The following SORCS2 variants were observed in gnomAD, a reference collection of about 807,000 sequenced individuals.
SORCS2 encodes the protein sortilin related VPS10 domain containing receptor 2, also known as VPS10 domain-containing receptor SorCS2.
Under a neutral mutation model 141.6 loss-of-function variants are expected in SORCS2, and 100 were observed. That is an observed-to-expected ratio of 0.71 (90% CI 0.60 to 0.83). SORCS2 has a LOEUF of 0.83. SORCS2 is among the 40% of genes least tolerant of loss of function. The probability of loss-of-function intolerance (pLI) is 0.00; values close to 1 mark genes in which losing one functional copy is unlikely to be tolerated. For missense variants in SORCS2, 1,646 were observed against 1,560.2 expected (o/e 1.05, Z -0.93); for synonymous variants, 789 against 676.9 (o/e 1.17, Z -2.57).
chr4:7,207,032 C>T (rs2108874004), intron 1 of SORCS2, among the ~76,000 whole-genome samples: 1 of 152,250 alleles, frequency 6.6e-6, no homozygotes, highest in Non-Finnish European at 1.5e-5. Context: ...TATCTACAAA[C>T]CAGCCCCGCA....
intron 1 of SORCS2, among the ~76,000 whole-genome samples, chr4:7,254,069 T>A (rs1213039080): frequency 6.6e-6 from 1 of 152,198 alleles, no homozygotes; most frequent in Admixed American, 6.5e-5. Flanking sequence ...TTAGGCACCG[T>A]TGGTGGGAAT....
intron 1 of SORCS2, among the ~76,000 whole-genome samples, chr4:7,342,001 C>T (rs1266533497): frequency 1.3e-5 from 2 of 152,218 alleles, no homozygotes; most frequent in African/African-American, 4.8e-5. Flanking sequence ...TTTTCAAGGT[C>T]CAGTCACGTC....
At chr4:7,538,556 T>C (rs1043260788) in intron 3 of SORCS2, among the ~76,000 whole-genome samples, 1 of 151,166 alleles carries the variant, frequency 6.6e-6, no homozygotes, top group African/African-American at 2.4e-5. Flanking sequence ...TCTTACTCCA[T>C]TATATATCAG....
intron 1 of SORCS2, among the ~76,000 whole-genome samples, chr4:7,354,097 A>T (rs1001899479): frequency 3.3e-5 from 5 of 152,128 alleles, no homozygotes; most frequent in Non-Finnish European, 5.9e-5. Context: ...GCATGAGTTG[A>T]GATCTCTTTC....
intron 1 of SORCS2, among the ~76,000 whole-genome samples, chr4:7,198,149 G>T (rs1285836366): frequency 2.6e-5 from 4 of 152,198 alleles, no homozygotes; most frequent in Non-Finnish European, 5.9e-5. Flanking sequence ...TGTGGAGGGG[G>T]CTGAGGGAGA....
chr4:7,256,519 T>G (rs947540217), intron 1 of SORCS2, among the ~76,000 whole-genome samples: 5 of 152,154 alleles, frequency 3.3e-5, no homozygotes, highest in African/African-American at 1.2e-4. Flanking sequence ...ATTCATTCAC[T>G]CATTCATTTA....
intron 2 of SORCS2, among the ~76,000 whole-genome samples, chr4:7,519,310 T>C (rs1733179368): frequency 6.6e-6 from 1 of 152,220 alleles, no homozygotes; most frequent in African/African-American, 2.4e-5. Flanking sequence ...CCTTGTGCCA[T>C]TTTAAGACCT....
chr4:7,740,112 C>G, intron 26 of SORCS2, 88 bp from the exon 27 acceptor site: 1 of 1,192,368 alleles, frequency 8.4e-7, no homozygotes, highest in Non-Finnish European at 1.2e-6. Context: ...GCTCGAGGCA[C>G]TGCCTGAGGC....
At chr4:7,381,904 G>A (rs1433763933) in intron 1 of SORCS2, 1 of 986,322 alleles carries the variant, frequency 1.0e-6, no homozygotes, top group Non-Finnish European at 1.2e-6. Flanking sequence ...CAGCAGAGCA[G>A]GCAGACAGCA....
intron 2 of SORCS2, among the ~76,000 whole-genome samples, chr4:7,454,598 T>G (rs1728741057): frequency 9.4e-6 from 1 of 106,390 alleles, no homozygotes; most frequent in Admixed American, 1.0e-4. Flanking sequence ...GGTGCTGTGT[T>G]GGGGTCAGGC....
intron 1 of SORCS2, among the ~76,000 whole-genome samples, chr4:7,237,978 G>T (rs551580696): frequency 6.6e-6 from 1 of 152,222 alleles, no homozygotes; most frequent in African/African-American, 2.4e-5. Context: ...GAGTTCTTGG[G>T]ATACCAGTGG....
At chr4:7,441,737 C>G (rs374955146) in intron 2 of SORCS2, among the ~76,000 whole-genome samples, 3 of 112,088 alleles carry the variant, frequency 2.7e-5, no homozygotes, top group African/African-American at 1.1e-4. Context: ...CCCTCCACCC[C>G]CTCCCCCAGC....
At chr4:7,660,788 G>A (rs1560463812) in intron 5 of SORCS2, among the ~76,000 whole-genome samples, 3 of 152,334 alleles carry the variant, frequency 2.0e-5, no homozygotes, top group Admixed American at 6.5e-5. Context: ...GGTGCAAACT[G>A]TCGAGTGATG....
intron 2 of SORCS2, among the ~76,000 whole-genome samples, chr4:7,438,311 C>T (rs1388896457): frequency 6.6e-6 from 1 of 152,250 alleles, no homozygotes; most frequent in Non-Finnish European, 1.5e-5. Flanking sequence ...GGGCTTTCCT[C>T]TTGACCAGAC....
intron 2 of SORCS2, among the ~76,000 whole-genome samples, chr4:7,522,589 G>A (rs1418692642): frequency 2.0e-5 from 3 of 152,058 alleles, no homozygotes; most frequent in African/African-American, 4.8e-5. Context: ...AAGCGCTGTC[G>A]TCCTACTCCT....
chr4:7,638,646 C>T (rs909393765), intron 4 of SORCS2, among the ~76,000 whole-genome samples, 154 bp downstream of exon 4: 8 of 151,942 alleles, frequency 5.3e-5, no homozygotes, highest in African/African-American at 1.7e-4. Context: ...TGCTGGACCC[C>T]GTCATCGCCC....
In SORCS2 at chr4:7,722,588, C is replaced by A. The variant is rs77323664; in HGVS notation, c.2425-1109C>A. On this transcript the variant is annotated intron_variant, in intron 18 of 26. Transcript: ENST00000507866. ...CCTTCACCTCCACGCAGCCTCTGTC[C>A]GTGCCCAAATCTCCCTCTCCTTTCT... 2.9e-3 allele frequency among the ~76,000 whole-genome samples: 440 copies of A among 151,774 alleles called. 3 individuals carry two copies. Among genetic ancestry groups the A allele is most frequent in the African/African-American group, 0.01 (423 of 41,510 alleles).
intron 1 of SORCS2, among the ~76,000 whole-genome samples, chr4:7,394,579 C>T (rs1724083541): frequency 6.7e-6 from 1 of 149,132 alleles, no homozygotes; most frequent in Non-Finnish European, 1.5e-5. Context: ...GCCCCAAATG[C>T]TGGGGTTTAG....
At chr4:7,227,716 C>T (rs1711522602) in intron 1 of SORCS2, among the ~76,000 whole-genome samples, 1 of 152,208 alleles carries the variant, frequency 6.6e-6, no homozygotes, top group South Asian at 2.1e-4. Flanking sequence ...ACCCCTCTCT[C>T]CTGTTTCTTC....
Sources: gnomAD v4.1 joint callset for allele counts (sites outside exome capture counted in the v4.1 genomes callset) on GRCh38, gnomAD v4.1.1 for gene constraint, MANE v1.5 for transcripts, NCBI Gene and HGNC (gene_info 2026-07-23, HGNC 2026-07-21) for gene names.